The following PAPSS1 variants were observed in gnomAD, a reference collection of about 807,000 sequenced individuals.
The protein encoded by PAPSS1 is 3'-phosphoadenosine 5'-phosphosulfate synthase 1, also known as bifunctional 3'-phosphoadenosine 5'-phosphosulfate synthase 1.
In PAPSS1, 50 loss-of-function variants were observed where a neutral mutation model predicts 72.0. The ratio of observed to expected loss-of-function variants is 0.69; its 90% confidence interval spans 0.55 to 0.88. PAPSS1 has a LOEUF of 0.88. Ranked by LOEUF, PAPSS1 falls within the 40% of genes least tolerant of loss-of-function variation. PAPSS1 has a pLI of 0.00. For synonymous variants in PAPSS1, 261 were observed against 263.6 expected, an observed-to-expected ratio of 0.99 and a Z score of 0.09; for missense variants, 657 against 782.2, an observed-to-expected ratio of 0.84 and a Z score of 1.91.
intron 8 of PAPSS1, among the ~76,000 whole-genome samples, chr4:107,654,372 A>G (rs6849147): frequency 0.24 from 36,713 of 152,172 alleles, 5,049 homozygotes; most frequent in Middle Eastern, 0.35. Flanking sequence ...CATTATAAGT[A>G]CATGCCTAAG....
intron 4 of PAPSS1, 132 bp downstream of exon 4, chr4:107,686,907 A>G (rs1437636647): frequency 1.7e-5 from 14 of 836,006 alleles, no homozygotes; most frequent in Non-Finnish European, 2.6e-5. Flanking sequence ...GAACAGTGTA[A>G]TAAGACTACA....
rs928848755 is a variant in PAPSS1, at chr4:107,720,063, C to G, written c.60+57G>C. 18 of 1,576,732 alleles carry G rather than the reference C, an allele frequency of 1.1e-5. No individual in the cohort carries two copies. In the African/African-American group the frequency reaches 2.4e-4, roughly 21 times the overall value. On this transcript the variant is annotated intron_variant, in intron 1 of 11. Coordinates refer to ENST00000265174, the MANE Select transcript of PAPSS1 (RefSeq NM_005443.5). ...CGGGAGAGAGGCGGCGGCTCCGGAA[C>G]GAGCTGCTCCCACAGCCCCTCCGCT...
In PAPSS1 at chr4:107,645,024, A is replaced by G. The variant is rs1401495463; in HGVS notation, c.1284T>C (p.His428=). ...TATGGGTATCCTGCATTAACAGGGC[A>G]TGTCCATTGTGCACTGGGTTGCGTA... is the stretch of plus-strand genomic sequence containing the variant. The part of the protein sequence containing the change: ...FQLRNPVHNG[H]ALLMQDTHKQ... Residue 428 remains histidine, a synonymous_variant, in exon 10 of 12, where the codon CAT becomes CAC. Coordinates refer to ENST00000265174, the MANE Select transcript of PAPSS1 (RefSeq NM_005443.5). 6.2e-7 allele frequency: 1 copy of G among 1,605,656 alleles called. No homozygotes were observed. The highest frequency in any genetic ancestry group is 1.7e-4 in the Middle Eastern group (1 of 6,004).
rs1425312507 is a variant in PAPSS1, at chr4:107,672,134, T to C, written c.669+9881A>G. On this transcript the variant is annotated intron_variant, in intron 5 of 11. Transcript: ENST00000265174. ...AACAGCTCCAGTCTACAGCTCCCAG[T>C]GTGAGCGACGCAGAAGACGGGTGAT... Among the ~76,000 whole-genome samples the C allele has an allele frequency of 2.6e-5, 4 of 152,150 alleles. No individual in the cohort carries two copies. In the East Asian group the frequency reaches 5.8e-4, roughly 22 times the overall value.
chr4:107,616,858 G>A (rs1408735156), intron 11 of PAPSS1, among the ~76,000 whole-genome samples: 2 of 152,144 alleles, frequency 1.3e-5, no homozygotes, highest in African/African-American at 4.8e-5. Context: ...TGAAGTTTGG[G>A]CTACTTCTAC....
intron 1 of PAPSS1, among the ~76,000 whole-genome samples, chr4:107,707,821 C>T (rs1041984886): frequency 3.9e-5 from 6 of 152,064 alleles, no homozygotes; most frequent in African/African-American, 1.4e-4. Context: ...CTGGGAAGTC[C>T]CATTCTGTCA....
intron 4 of PAPSS1, among the ~76,000 whole-genome samples, chr4:107,685,096 G>A (rs1298899560): frequency 6.6e-6 from 1 of 152,076 alleles, no homozygotes; most frequent in African/African-American, 2.4e-5. Context: ...AGTAGAGACG[G>A]GGTTTCACCG....
chr4:107,680,643 G>C (rs1164365087), intron 5 of PAPSS1, among the ~76,000 whole-genome samples: 1 of 152,118 alleles, frequency 6.6e-6, no homozygotes. Flanking sequence ...ATAAATCTTT[G>C]CATTACTAGA....
chr4:107,688,353 G>A (rs1225171918), intron 3 of PAPSS1, among the ~76,000 whole-genome samples: 1 of 152,178 alleles, frequency 6.6e-6, no homozygotes, highest in Non-Finnish European at 1.5e-5. Context: ...GCTGAGGCAG[G>A]AGAATCACTT....
chr4:107,635,304 G>A (rs950388058), intron 10 of PAPSS1, among the ~76,000 whole-genome samples: 12 of 151,950 alleles, frequency 7.9e-5, no homozygotes, highest in African/African-American at 9.7e-5. Context: ...GAAAAAACTC[G>A]AGGGAAAAAA....
chr4:107,654,882 G>C lies in PAPSS1; in HGVS notation c.914C>G (p.Ser305Ter), dbSNP rs1726958043. The C allele has an allele frequency of 1.9e-6, 3 of 1,613,792 alleles. No homozygotes were observed. Among genetic ancestry groups the C allele is most frequent in the Non-Finnish European group, 2.5e-6 (3 of 1,179,804 alleles). Residue 305 changes from serine to a stop codon, truncating the protein, a stop_gained, in exon 8 of 12, where the codon TCA (serine) becomes TGA (stop). Coordinates refer to ENST00000265174, the MANE Select transcript of PAPSS1 (RefSeq NM_005443.5). LOFTEE classifies it high-confidence loss of function. ...AGTCGCAGTCAGAACTATAGGTACTGACAAGTTAATGACACCTCCTGCAGA... is the reference window on the plus strand; with the variant it reads ...AGTCGCAGTCAGAACTATAGGTACTCACAAGTTAATGACACCTCCTGCAGA... ...CLLDGGVINL[S>*]VPIVLTATHE...
chr4:107,674,853 C>A (rs943167524), intron 5 of PAPSS1, among the ~76,000 whole-genome samples: 1 of 152,172 alleles, frequency 6.6e-6, no homozygotes, highest in African/African-American at 2.4e-5. Flanking sequence ...ACAGTGCAAT[C>A]AAACTAGAAC....
chr4:107,632,005 C>T, intron 10 of PAPSS1, 145 bp from the exon 11 acceptor site: 1 of 623,146 alleles, frequency 1.6e-6, no homozygotes, highest in South Asian at 2.4e-5. Flanking sequence ...TCCTGGGAAG[C>T]CAGAAACAAA....
At chr4:107,696,864 A>G (rs1394567540) in intron 2 of PAPSS1, among the ~76,000 whole-genome samples, 1 of 152,242 alleles carries the variant, frequency 6.6e-6, no homozygotes, top group Non-Finnish European at 1.5e-5. Flanking sequence ...GCTGCAACTG[A>G]ATATCCCATC....
intron 3 of PAPSS1, among the ~76,000 whole-genome samples, chr4:107,688,620 C>G (rs1252449815): frequency 6.6e-6 from 1 of 152,128 alleles, no homozygotes; most frequent in Non-Finnish European, 1.5e-5. Flanking sequence ...GCAGACTCCT[C>G]CTGGGCTCCT....
chr4:107,630,227 C>A (rs185354652), intron 11 of PAPSS1, among the ~76,000 whole-genome samples: 4 of 152,316 alleles, frequency 2.6e-5, no homozygotes, highest in Admixed American at 1.3e-4. Context: ...ATAAAGTTTA[C>A]ATTTTTTATT....
intron 1 of PAPSS1, among the ~76,000 whole-genome samples, chr4:107,710,577 G>A (rs1723464737): frequency 6.6e-6 from 1 of 152,192 alleles, no homozygotes; most frequent in Non-Finnish European, 1.5e-5. Flanking sequence ...GCATATGCAG[G>A]TGAAAGGTAG....
Position 107,631,811 on chromosome 4 carries a change from A to G in PAPSS1, c.1556T>C (p.Ile519Thr). ...CATGCCAGCAGGGTCTCGTCCAACA[A>G]TGTAAAAGTTGGCTCCTGCAACCAT... The part of the protein sequence containing the change: ...ARMVAGANFY[I>T]VGRDPAGMPH... Residue 519 changes from isoleucine (I) to threonine (T), a missense_variant, in exon 11 of 12, where the codon ATT becomes ACT. Coordinates refer to ENST00000265174, the MANE Select transcript of PAPSS1 (RefSeq NM_005443.5). 1 of 1,614,110 alleles carries G rather than the reference A, an allele frequency of 6.2e-7. No homozygotes were observed. The highest frequency in any genetic ancestry group is 1.1e-5 in the South Asian group (1 of 91,086).
chr4:107,657,375 A>T (rs1727041503), intron 6 of PAPSS1, among the ~76,000 whole-genome samples: 1 of 152,164 alleles, frequency 6.6e-6, no homozygotes, highest in African/African-American at 2.4e-5. Flanking sequence ...TTCCCAGAAA[A>T]TGATAACAGT....
Sources: allele counts gnomAD v4.1 joint callset (sites outside exome capture counted in the v4.1 genomes callset), GRCh38; gene constraint gnomAD v4.1.1; transcripts MANE v1.5; gene names NCBI Gene and HGNC (gene_info 2026-07-23, HGNC 2026-07-21).